The following COL6A6 variants were observed in gnomAD, a reference collection of about 807,000 sequenced individuals.
COL6A6 encodes the protein collagen type VI alpha 6 chain.
COL6A6 carries 183 observed loss-of-function variants against 208.6 expected under a neutral mutation model. That is an observed-to-expected ratio of 0.88 (90% confidence interval 0.78 to 0.99). The LOEUF is 0.99. Ranked by LOEUF, COL6A6 falls within the 50% of genes least tolerant of loss-of-function variation. The pLI, the probability that COL6A6 is intolerant of heterozygous loss-of-function variation, is 0.00. For synonymous variants in COL6A6, 973 were observed against 1,011.8 expected, an observed-to-expected ratio of 0.96 and a Z score of 0.73; for missense variants, 2,816 against 2,815.2, an observed-to-expected ratio of 1.00 and a Z score of -0.01.
chr3:130,613,959 A>G (rs547308349), intron 23 of COL6A6, among the ~76,000 whole-genome samples: 98 of 152,304 alleles, frequency 6.4e-4, no homozygotes, highest in Non-Finnish European at 1.2e-3. Flanking sequence ...TGTCATTTGC[A>G]AACAGGGATA....
Position 130,598,414 on chromosome 3 carries a change from G to T in COL6A6, c.4583G>T (p.Gly1528Val). 1 of 1,551,580 alleles carries T rather than the reference G, an allele frequency of 6.4e-7. No individual in the cohort carries two copies. Reference sequence around the variant, plus strand: ...ATAGAAGGACCCACAGGCTTGAAAGGAGAACGTGGAAGACAAGTAATTACG... The same window carrying T: ...ATAGAAGGACCCACAGGCTTGAAAGTAGAACGTGGAAGACAAGTAATTACG... ...SSIEGPTGLK[G>V]ERGRQGRRGW... The change falls in exon 19 of 37, where the codon GGA (glycine) becomes GTA (valine). Residue 1528 changes from glycine (G) to valine (V), a missense_variant. Gly to Val is a moderately radical substitution (Grantham distance 109). Coordinates refer to ENST00000358511, the MANE Select transcript of COL6A6 (RefSeq NM_001102608.3).
intron 20 of COL6A6, among the ~76,000 whole-genome samples, chr3:130,603,367 C>T (rs114436014): frequency 2.0e-5 from 3 of 152,146 alleles, no homozygotes; most frequent in Non-Finnish European, 2.9e-5. Context: ...AGGGAGGGTA[C>T]TAAATCCCCC....
intron 20 of COL6A6, among the ~76,000 whole-genome samples, chr3:130,604,742 C>A (rs2064132917): frequency 2.0e-5 from 3 of 152,262 alleles, no homozygotes; most frequent in South Asian, 4.2e-4. Context: ...CAAAATCAAA[C>A]CTTAAAGACA....
intron 3 of COL6A6, among the ~76,000 whole-genome samples, chr3:130,564,574 A>T (rs953742322): frequency 1.3e-5 from 2 of 152,252 alleles, no homozygotes; most frequent in African/African-American, 2.4e-5. Flanking sequence ...CCCAAATAAA[A>T]GAACTGAAAA....
intron 28 of COL6A6, among the ~76,000 whole-genome samples, chr3:130,640,119 T>G (rs1202446749): frequency 6.6e-6 from 1 of 152,180 alleles, no homozygotes; most frequent in Non-Finnish European, 1.5e-5. Flanking sequence ...TAAAATGATT[T>G]TCAACTAAAC....
At chr3:130,524,670 C>T (rs2061921189) in intron 1 of COL6A6, among the ~76,000 whole-genome samples, 1 of 152,150 alleles carries the variant, frequency 6.6e-6, no homozygotes, top group South Asian at 2.1e-4. Context: ...TTTCTCAGTG[C>T]TCTTATCAAG....
chr3:130,573,832 G>A (rs2063225102), intron 7 of COL6A6, 124 bp from the exon 8 acceptor site: 3 of 653,454 alleles, frequency 4.6e-6, no homozygotes, highest in Non-Finnish European at 5.2e-6. Flanking sequence ...GCCTCCCAAA[G>A]TGCTGGGATT....
In COL6A6 at chr3:130,571,274, C is replaced by G; in HGVS notation, c.2858C>G (p.Pro953Arg). The G allele has an allele frequency of 6.2e-7, 1 of 1,614,042 alleles. No homozygotes were observed. Among genetic ancestry groups the G allele is most frequent in the Non-Finnish European group, 8.5e-7 (1 of 1,179,896 alleles). Reference sequence around the variant, plus strand: ...GCTGTGGGGATTGATGGTGCCAATCCCGTGGAGCTGTTAGCCATGGCAGGA... The same window carrying G: ...GCTGTGGGGATTGATGGTGCCAATCGCGTGGAGCTGTTAGCCATGGCAGGA... ...VLAVGIDGAN[P>R]VELLAMAGSS... is the part of the protein sequence containing the mutation. The change falls in exon 7 of 37, where the codon CCC becomes CGC. Residue 953 changes from proline to arginine, a missense_variant. By Grantham distance (103) the Pro-to-Arg change is moderately radical (BLOSUM62 -2). Coordinates refer to ENST00000358511, the MANE Select transcript of COL6A6 (RefSeq NM_001102608.3).
Position 130,649,089 on chromosome 3 carries a change from C to T in COL6A6, c.5260C>T (p.His1754Tyr). ...GRHGKPECPVHPTELVFALDH... is the reference protein window; with the variant it reads ...GRHGKPECPVYPTELVFALDH... ...TTTAGGAAAACCGGAATGCCCAGTG[C>T]ACCCAACCGAGTTGGTGTTTGCCCT... Residue 1754 changes from histidine (H) to tyrosine (Y), a missense_variant, in exon 33 of 37, where the codon CAC becomes TAC. His to Tyr is a moderately conservative substitution (Grantham distance 83, BLOSUM62 2). Transcript: ENST00000358511. 7 of 1,569,884 alleles carry T rather than the reference C, an allele frequency of 4.5e-6. No individual in the cohort carries two copies. Among genetic ancestry groups the T allele is most frequent in the Non-Finnish European group, 5.2e-6 (6 of 1,156,900 alleles).
In COL6A6 at chr3:130,529,245, GAAAAACACAGCAGGAAATGTAC is replaced by G. The variant is rs1352162615; in HGVS notation, c.-32+11870_-32+11891del. ...GACCAATAGCTTTCAATGAAGGGGG[GAAAAACACAGCAGGAAATGTAC>G]AAAAACACAGCAGGAAATGTAAAAA... On this transcript the variant is annotated intron_variant, in intron 1 of 36. Coordinates refer to ENST00000358511, the MANE Select transcript of COL6A6 (RefSeq NM_001102608.3). Among the ~76,000 whole-genome samples, 11 of 144,054 alleles carry G rather than the reference GAAAAACACAGCAGGAAATGTAC, an allele frequency of 7.6e-5. No homozygotes were observed. The East Asian group carries it at 1.2e-3, about 16-fold the overall frequency. 94.5% of individuals were successfully genotyped at this position (144,054 alleles called of 152,430 possible).
At chr3:130,535,484 T>C (rs2062201728) in intron 1 of COL6A6, among the ~76,000 whole-genome samples, 1 of 152,204 alleles carries the variant, frequency 6.6e-6, no homozygotes, top group Admixed American at 6.5e-5. Context: ...TATTAGCCAG[T>C]GGTCTTGGAT....
chr3:130,541,067 T>C (rs1276678411), intron 1 of COL6A6, among the ~76,000 whole-genome samples: 1 of 152,190 alleles, frequency 6.6e-6, no homozygotes, highest in East Asian at 1.9e-4. Context: ...TTGTAGGTCT[T>C]TGAGGAATCC....
chr3:130,611,886 A>G (rs58878557), intron 23 of COL6A6, among the ~76,000 whole-genome samples: 3,080 of 152,292 alleles, frequency 0.02, 65 homozygotes, highest in African/African-American at 0.056. Flanking sequence ...TTTGCCACCC[A>G]GATAATAAGC....
chr3:130,552,675 A>G (rs147274994), intron 1 of COL6A6, among the ~76,000 whole-genome samples: 1 of 152,146 alleles, frequency 6.6e-6, no homozygotes. Context: ...TGCGAATTTC[A>G]TCCTGTCATC....
chr3:130,590,098 A>C (rs892395148), intron 12 of COL6A6: 2 of 405,308 alleles, frequency 4.9e-6, no homozygotes, highest in Non-Finnish European at 9.9e-6. Flanking sequence ...TAAACGGAGA[A>C]TAATTCTAGT....
chr3:130,564,942 A>G, intron 3 of COL6A6, 52 bp from the exon 4 acceptor site: 1 of 1,582,894 alleles, frequency 6.3e-7, no homozygotes. Flanking sequence ...ATGCTCACCA[A>G]AGATGCTGAA....
intron 32 of COL6A6, among the ~76,000 whole-genome samples, chr3:130,647,429 C>G (rs1281669013): frequency 1.3e-5 from 2 of 152,190 alleles, no homozygotes; most frequent in East Asian, 1.9e-4. Flanking sequence ...AGAAGAATCA[C>G]TTTCATGTTT....
intron 36 of COL6A6, among the ~76,000 whole-genome samples, chr3:130,667,131 C>T (rs2066093683): frequency 6.6e-6 from 1 of 152,186 alleles, no homozygotes; most frequent in South Asian, 2.1e-4. Context: ...GAAACTTCTA[C>T]AGTATGTACT....
chr3:130,534,315 CT>C (rs1217195795), intron 1 of COL6A6, among the ~76,000 whole-genome samples: 1 of 152,158 alleles, frequency 6.6e-6, no homozygotes, highest in Admixed American at 6.5e-5. Context: ...ATTACCTCTG[CT>C]GTGAATTTCA....
Sources: allele counts gnomAD v4.1 joint callset (sites outside exome capture counted in the v4.1 genomes callset), GRCh38; gene constraint gnomAD v4.1.1; transcripts MANE v1.5; gene names NCBI Gene and HGNC (gene_info 2026-07-23, HGNC 2026-07-21).